Variants in SOX6 observed in about 807,000 individuals in gnomAD.
SOX6 encodes SRY-box transcription factor 6.
Under a neutral mutation model 97.8 loss-of-function variants are expected in SOX6, and 11 were observed. The observed-to-expected ratio is 0.11, with a 90% CI of 0.07 to 0.19. SOX6 has a LOEUF of 0.19. Among genes scored for constraint, SOX6 ranks in the 10% least tolerant of loss-of-function variants. The probability of loss-of-function intolerance (pLI) is 1.00; values close to 1 mark genes in which losing one functional copy is unlikely to be tolerated. For missense variants in SOX6, 810 were observed against 1,039.5 expected (o/e 0.78, Z 3.04); for synonymous variants, 360 against 371.4 (o/e 0.97, Z 0.35).
intron 13 of SOX6, among the ~76,000 whole-genome samples, chr11:16,002,113 T>C (rs1440365910): frequency 6.6e-6 from 1 of 152,228 alleles, no homozygotes. Flanking sequence ...AGATGTCTTT[T>C]GTTCTTTCAG....
intron 10 of SOX6, among the ~76,000 whole-genome samples, chr11:16,053,967 T>C (rs1489374501): frequency 6.6e-6 from 1 of 152,140 alleles, no homozygotes; most frequent in Non-Finnish European, 1.5e-5. Flanking sequence ...TACCCATATA[T>C]ACAATAAAAA....
At chr11:16,540,909 T>C (rs1043517567) in intron 4 of SOX6, among the ~76,000 whole-genome samples, 23 of 152,120 alleles carry the variant, frequency 1.5e-4, no homozygotes, top group African/African-American at 3.1e-4. Context: ...AGGTAATTTA[T>C]AGATTCAATG....
chr11:16,083,969 C>T (rs1014744857), intron 9 of SOX6, among the ~76,000 whole-genome samples: 5 of 152,144 alleles, frequency 3.3e-5, no homozygotes, highest in African/African-American at 1.2e-4. Flanking sequence ...TGTACAATCT[C>T]ATTGCCTATT....
intron 3 of SOX6, among the ~76,000 whole-genome samples, chr11:16,691,184 G>A (rs766030209): frequency 5.9e-5 from 9 of 152,190 alleles, no homozygotes; most frequent in Non-Finnish European, 1.0e-4. Context: ...TCTGAGAATT[G>A]TTTCTGCAAG....
chr11:16,578,876 G>T (rs995250180), intron 4 of SOX6, among the ~76,000 whole-genome samples: 4 of 152,066 alleles, frequency 2.6e-5, no homozygotes, highest in Admixed American at 1.3e-4. Context: ...CCAATTGAAA[G>T]GGAAAGTTTG....
chr11:16,582,426 A>T (rs1472504796), intron 4 of SOX6, among the ~76,000 whole-genome samples: 1 of 152,204 alleles, frequency 6.6e-6, no homozygotes, highest in Non-Finnish European at 1.5e-5. Context: ...TATATTTCTT[A>T]TAGTAGACCC....
At chr11:16,125,988 AAAG>A (rs1383617866) in intron 6 of SOX6, among the ~76,000 whole-genome samples, 2 of 152,122 alleles carry the variant, frequency 1.3e-5, no homozygotes, top group Non-Finnish European at 2.9e-5. Flanking sequence ...GGATACAAGG[AAAG>A]AAGAAGTGTA....
At chr11:16,500,121 T>A (rs1385956164) in intron 4 of SOX6, among the ~76,000 whole-genome samples, 2 of 152,156 alleles carry the variant, frequency 1.3e-5, no homozygotes, top group African/African-American at 4.8e-5. Context: ...CATGATCAAG[T>A]GGGCTTCATC....
intron 6 of SOX6, among the ~76,000 whole-genome samples, chr11:16,145,915 G>C (rs935890022): frequency 6.9e-4 from 105 of 152,240 alleles, no homozygotes; most frequent in Non-Finnish European, 2.2e-4. Flanking sequence ...TCGTGAAAAT[G>C]GCCATACTGT....
intron 1 of SOX6, among the ~76,000 whole-genome samples, chr11:16,391,111 A>G (rs1176517520): frequency 6.6e-6 from 1 of 152,290 alleles, no homozygotes; most frequent in South Asian, 2.1e-4. Context: ...TAAACACCAC[A>G]TGTTCTCACT....
At chr11:16,117,075 C>A (rs1182695525) in intron 6 of SOX6, among the ~76,000 whole-genome samples, 2 of 152,032 alleles carry the variant, frequency 1.3e-5, no homozygotes, top group African/African-American at 2.4e-5. Flanking sequence ...GGCAGCTGGG[C>A]GTGGTGGCTC....
At chr11:16,681,381 G>A (rs1346370665) in intron 3 of SOX6, among the ~76,000 whole-genome samples, 1 of 152,148 alleles carries the variant, frequency 6.6e-6, no homozygotes, top group Admixed American at 6.5e-5. Flanking sequence ...ACAAAATGAA[G>A]ACAGAAGTAA....
chr11:15,969,254 A>C lies in SOX6; in HGVS notation c.*3555T>G, dbSNP rs1853235706. On this transcript the variant is annotated 3_prime_UTR_variant, in exon 16 of 16. Coordinates refer to ENST00000683767, the MANE Select transcript of SOX6 (RefSeq NM_001367873.1). Reference sequence around the variant, plus strand: ...AAAGTTGCTTAACATTCTTGAATCTAAACTGACATGACGGGACGTTTATTA... The same window carrying C: ...AAAGTTGCTTAACATTCTTGAATCTCAACTGACATGACGGGACGTTTATTA... 6.6e-6 allele frequency: 1 copy of C among 152,136 alleles called. No homozygotes were observed. Among genetic ancestry groups the C allele is most frequent in the African/African-American group, 2.4e-5 (1 of 41,426 alleles). 9.4% of individuals were successfully genotyped at this position (152,136 alleles called of 1,614,324 possible).
chr11:16,025,401 A>T (rs970552653), intron 12 of SOX6, among the ~76,000 whole-genome samples: 9 of 152,336 alleles, frequency 5.9e-5, no homozygotes, highest in Middle Eastern at 3.4e-3. Context: ...AAAGTGGAGA[A>T]TTCTATCTCC....
intron 3 of SOX6, among the ~76,000 whole-genome samples, chr11:16,302,445 C>G (rs1028260091): frequency 1.3e-5 from 2 of 151,758 alleles, no homozygotes; most frequent in Non-Finnish European, 2.9e-5. Flanking sequence ...CATTATATCT[C>G]TTGTTCACTA....
intron 3 of SOX6, among the ~76,000 whole-genome samples, chr11:16,707,739 A>G (rs1298910549): frequency 6.6e-6 from 1 of 152,180 alleles, no homozygotes; most frequent in African/African-American, 2.4e-5. Context: ...GAAAACCTTT[A>G]CAGTAATTCT....
At chr11:16,569,092 G>T (rs568260035) in intron 4 of SOX6, among the ~76,000 whole-genome samples, 1 of 152,274 alleles carries the variant, frequency 6.6e-6, no homozygotes, top group East Asian at 1.9e-4. Flanking sequence ...CGCATCTTGA[G>T]TTGGAATTTT....
At chr11:16,734,530 C>T (rs1161164322) in intron 2 of SOX6, among the ~76,000 whole-genome samples, 1 of 152,080 alleles carries the variant, frequency 6.6e-6, no homozygotes, top group South Asian at 2.1e-4. Flanking sequence ...AAGTATCTCT[C>T]TTCTAGGCAC....
chr11:16,680,820 TA>T (rs2134029626), intron 3 of SOX6, among the ~76,000 whole-genome samples: 1 of 152,300 alleles, frequency 6.6e-6, no homozygotes, highest in African/African-American at 2.4e-5. Flanking sequence ...TAGTCTCTGA[TA>T]AAACAGACTT....
Sources: allele counts gnomAD v4.1 joint callset (sites outside exome capture counted in the v4.1 genomes callset), GRCh38; gene constraint gnomAD v4.1.1; transcripts MANE v1.5; gene names NCBI Gene and HGNC (gene_info 2026-07-23, HGNC 2026-07-21).